The following DPP10 variants were observed in gnomAD, a reference collection of about 807,000 sequenced individuals.
DPP10 encodes the protein inactive dipeptidyl peptidase 10.
In DPP10, 33 loss-of-function variants were observed where a neutral mutation model predicts 120.9. The observed-to-expected ratio is 0.27, with a 90% CI of 0.21 to 0.37. DPP10 has a LOEUF of 0.37. Ranked by LOEUF, DPP10 falls within the 10% of genes least tolerant of loss-of-function variation. The pLI, the probability that DPP10 is intolerant of heterozygous loss-of-function variation, is 1.00. For synonymous variants in DPP10, 337 were observed against 326.1 expected, an observed-to-expected ratio of 1.03 and a Z score of -0.36; for missense variants, 816 against 942.8, an observed-to-expected ratio of 0.87 and a Z score of 1.76.
intron 3 of DPP10, among the ~76,000 whole-genome samples, chr2:115,395,218 T>G (rs2067595201): frequency 6.6e-6 from 1 of 152,198 alleles, no homozygotes; most frequent in Non-Finnish European, 1.5e-5. Flanking sequence ...AGACCCCCAC[T>G]CTTCTGCCTC....
chr2:114,768,070 G>A (rs2106135517), intron 1 of DPP10, among the ~76,000 whole-genome samples: 1 of 149,936 alleles, frequency 6.7e-6, no homozygotes, highest in African/African-American at 2.5e-5. Flanking sequence ...GGAGGTGGCA[G>A]TGAGCCGAGA....
intron 1 of DPP10, among the ~76,000 whole-genome samples, chr2:115,213,253 AC>A (rs1217100413): frequency 6.6e-6 from 1 of 152,148 alleles, no homozygotes; most frequent in Non-Finnish European, 1.5e-5. Flanking sequence ...TAAAAGACAT[AC>A]CTTAGAGTAG....
intron 1 of DPP10, among the ~76,000 whole-genome samples, chr2:114,800,457 T>C (rs1322603261): frequency 6.6e-6 from 1 of 152,170 alleles, no homozygotes; most frequent in East Asian, 1.9e-4. Context: ...ACACTTCACA[T>C]ACGAGGAATG....
intron 3 of DPP10, among the ~76,000 whole-genome samples, chr2:115,392,841 T>C (rs541804578): frequency 7.2e-5 from 11 of 152,310 alleles, no homozygotes; most frequent in African/African-American, 2.4e-4. Flanking sequence ...ATTTTTTCTT[T>C]CTATGAAGAT....
At chr2:114,473,467 C>T (rs1411419279) in intron 1 of DPP10, among the ~76,000 whole-genome samples, 1 of 152,120 alleles carries the variant, frequency 6.6e-6, no homozygotes, top group African/African-American at 2.4e-5. Flanking sequence ...GTTTTTCCTA[C>T]AATGTTAAAG....
intron 1 of DPP10, among the ~76,000 whole-genome samples, chr2:115,192,874 TAAA>T (rs2054983779): frequency 6.6e-6 from 1 of 151,402 alleles, no homozygotes; most frequent in South Asian, 2.1e-4. Context: ...AAAATTAAAA[TAAA>T]TTTTAATTTA....
intron 5 of DPP10, among the ~76,000 whole-genome samples, chr2:115,560,187 G>A (rs529863918): frequency 8.7e-5 from 13 of 149,514 alleles, no homozygotes; most frequent in Admixed American, 2.0e-4. Context: ...TGGCTAACAC[G>A]GTGAAACCCC....
intron 1 of DPP10, among the ~76,000 whole-genome samples, chr2:114,864,083 A>G (rs1056295737): frequency 6.6e-6 from 1 of 152,254 alleles, no homozygotes; most frequent in Non-Finnish European, 1.5e-5. Context: ...AATGAAAATA[A>G]GGAAGGTCTC....
chr2:114,889,261 G>A (rs1009960970), intron 1 of DPP10, among the ~76,000 whole-genome samples: 2 of 152,134 alleles, frequency 1.3e-5, no homozygotes, highest in Non-Finnish European at 2.9e-5. Flanking sequence ...TAAGACATCC[G>A]TGTTCACACT....
intron 1 of DPP10, among the ~76,000 whole-genome samples, chr2:114,900,194 T>C (rs948735112): frequency 1.3e-5 from 2 of 152,244 alleles, no homozygotes; most frequent in Admixed American, 6.5e-5. Context: ...AGGGTAGGAC[T>C]TCACATTGGG....
At chr2:114,539,444 C>T (rs1020424356) in intron 1 of DPP10, among the ~76,000 whole-genome samples, 2 of 152,124 alleles carry the variant, frequency 1.3e-5, no homozygotes, top group Admixed American at 1.3e-4. Context: ...GCCTCTAGGC[C>T]TGTGTGGCCT....
intron 3 of DPP10, among the ~76,000 whole-genome samples, chr2:115,384,946 G>T (rs527758553): frequency 1.4e-3 from 208 of 152,238 alleles, no homozygotes; most frequent in African/African-American, 4.5e-3. Flanking sequence ...CTATTCTTGT[G>T]GTAGTGAATA....
chr2:114,952,175 A>G (rs1697842391), intron 1 of DPP10, among the ~76,000 whole-genome samples: 1 of 151,980 alleles, frequency 6.6e-6, no homozygotes, highest in African/African-American at 2.4e-5. Context: ...GTAATTAATA[A>G]ATGTGTATTG....
At position 115,058,754 on chromosome 2, in the gene DPP10, T is replaced by TA. The variant is rs1706154213; in HGVS notation, c.61-250485_61-250484insA. Among the ~76,000 whole-genome samples, 4 of 151,360 alleles carry TA rather than the reference T, an allele frequency of 2.6e-5. No individual in the cohort carries two copies. In the South Asian group the frequency reaches 6.3e-4, roughly 24 times the overall value. ...AAAGAAAAAGTCAACAATCTTTTTT[T>TA]TTATTTTTTTATTTTTTGCAAGCCA... On this transcript the variant is annotated intron_variant, in intron 1 of 25. Coordinates refer to ENST00000410059, the MANE Select transcript of DPP10 (RefSeq NM_020868.6).
At chr2:115,553,616 T>G (rs1259791434) in intron 5 of DPP10, among the ~76,000 whole-genome samples, 1 of 151,734 alleles carries the variant, frequency 6.6e-6, no homozygotes. Flanking sequence ...ATCAGGACAT[T>G]GATTAAATGC....
At chr2:114,542,267 C>T (rs572982795) in intron 1 of DPP10, among the ~76,000 whole-genome samples, 12 of 151,792 alleles carry the variant, frequency 7.9e-5, no homozygotes, top group Non-Finnish European at 1.6e-4. Flanking sequence ...AGGCTGGTCT[C>T]GAACTCCTGA....
intron 7 of DPP10, among the ~76,000 whole-genome samples, chr2:115,718,809 G>A (rs1184046371): frequency 6.6e-6 from 1 of 152,012 alleles, no homozygotes; most frequent in Admixed American, 6.6e-5. Context: ...CTCGAAGAAG[G>A]AAAATAAGGC....
At chr2:115,519,324 A>C (rs1449926190) in intron 4 of DPP10, among the ~76,000 whole-genome samples, 2 of 152,200 alleles carry the variant, frequency 1.3e-5, no homozygotes, top group Non-Finnish European at 2.9e-5. Flanking sequence ...GTATTGATTC[A>C]ATACTCATAA....
intron 5 of DPP10, among the ~76,000 whole-genome samples, chr2:115,573,474 G>T (rs1411850353): frequency 1.3e-5 from 2 of 151,508 alleles, no homozygotes; most frequent in Non-Finnish European, 2.9e-5. Context: ...AGTAGAGGCG[G>T]GGTTTCACCG....
Sources: allele counts gnomAD v4.1 joint callset (sites outside exome capture counted in the v4.1 genomes callset), GRCh38; gene constraint gnomAD v4.1.1; transcripts MANE v1.5; gene names NCBI Gene and HGNC (gene_info 2026-07-23, HGNC 2026-07-21).